Variants in METAP1 observed in about 807,000 individuals in gnomAD.
METAP1 encodes methionyl aminopeptidase 1, also known as methionine aminopeptidase 1.
Under a neutral mutation model 53.8 loss-of-function variants are expected in METAP1, and 28 were observed. The ratio of observed to expected loss-of-function variants is 0.52; its 90% CI spans 0.39 to 0.71. The LOEUF is 0.71. Among genes scored for constraint, METAP1 ranks in the 30% least tolerant of loss-of-function variants. The pLI, the probability that METAP1 is intolerant of heterozygous loss-of-function variation, is 0.00. For missense variants in METAP1, 389 were observed against 479.8 expected, an observed-to-expected ratio of 0.81 and a Z score of 1.77; for synonymous variants, 181 against 165.7, an observed-to-expected ratio of 1.09 and a Z score of -0.71.
intron 9 of METAP1, among the ~76,000 whole-genome samples, chr4:99,055,536 C>G (rs1375316040): frequency 6.6e-6 from 1 of 152,104 alleles, no homozygotes; most frequent in Non-Finnish European, 1.5e-5. Flanking sequence ...TAAAAAGTAC[C>G]TAAGAGTGTC....
At chr4:99,040,956 ACCAATCTT>A (rs1725816570) in intron 5 of METAP1, 79 bp from the exon 6 acceptor site, 1 of 623,742 alleles carries the variant, frequency 1.6e-6, no homozygotes, top group African/African-American at 1.9e-5. Flanking sequence ...ATTCATTTTT[ACCAATCTT>A]CCACAGTCAA....
chr4:99,031,443 A>G (rs952300392), intron 2 of METAP1: 2 of 1,281,768 alleles, frequency 1.6e-6, no homozygotes, highest in African/African-American at 3.0e-5. Context: ...AAAGAACTCT[A>G]AGTAATACTT....
At chr4:99,024,713 C>G (rs1178094053) in intron 1 of METAP1, among the ~76,000 whole-genome samples, 5 of 152,248 alleles carry the variant, frequency 3.3e-5, no homozygotes, top group Non-Finnish European at 5.9e-5. Flanking sequence ...AGCTGCATGA[C>G]TCCTGAAACA....
chr4:99,013,985 G>C (rs1396979074), intron 1 of METAP1, among the ~76,000 whole-genome samples: 2 of 152,044 alleles, frequency 1.3e-5, no homozygotes, highest in Non-Finnish European at 2.9e-5. Flanking sequence ...TTGTTGTTTG[G>C]CTTGATCCCC....
intron 1 of METAP1, among the ~76,000 whole-genome samples, chr4:99,007,439 T>A (rs1156649521): frequency 6.6e-6 from 1 of 152,176 alleles, no homozygotes; most frequent in Non-Finnish European, 1.5e-5. Flanking sequence ...TTGGAGAGTA[T>A]GCATTTTCTC....
Position 99,039,404 on chromosome 4 carries a change from G to T in METAP1, c.371G>T (p.Gly124Val), listed in dbSNP as rs75845854. The change falls in exon 5 of 11, where the codon GGT (glycine) becomes GTT (valine). Residue 124 changes from glycine (G) to valine (V), a missense_variant. By Grantham distance (109) the Gly-to-Val change is moderately radical. Transcript: ENST00000296411. ...GMSESEQALK[G>V]TSQIKLLSSE... Reference sequence around the variant, plus strand: ...TCTGAATCTGAACAGGCTCTTAAAGGTACTTCTCAGATTAAATTACTCTCA... The same window carrying T: ...TCTGAATCTGAACAGGCTCTTAAAGTTACTTCTCAGATTAAATTACTCTCA... 1 of 1,610,896 alleles carries T rather than the reference G, an allele frequency of 6.2e-7. No homozygotes were observed. Among genetic ancestry groups the T allele is most frequent in the African/African-American group, 1.3e-5 (1 of 74,742 alleles).
chr4:99,020,520 G>A (rs1724043013), intron 1 of METAP1, among the ~76,000 whole-genome samples: 1 of 151,872 alleles, frequency 6.6e-6, no homozygotes, highest in African/African-American at 2.4e-5. Context: ...CACCTGAGGA[G>A]GAGGTGGGAC....
At position 99,024,248 on chromosome 4, in the gene METAP1, G is replaced by C. The variant is rs112075771; in HGVS notation, c.115-4619G>C. On this transcript the variant is annotated intron_variant, in intron 1 of 10. Transcript: ENST00000296411. Reference sequence around the variant, plus strand: ...GCTCAATTGATCATGACCCTCTCACGCGGACCCCCTTAGAGTTGTGAGCCT... The same window carrying C: ...GCTCAATTGATCATGACCCTCTCACCCGGACCCCCTTAGAGTTGTGAGCCT... Among the ~76,000 whole-genome samples the C allele has an allele frequency of 2.7e-3, 413 of 152,154 alleles. 4 individuals are homozygous for C. The highest frequency in any genetic ancestry group is 9.4e-3 in the African/African-American group (391 of 41,518).
At chr4:99,060,620 C>T (rs1942906179) in intron 10 of METAP1, among the ~76,000 whole-genome samples, 1 of 152,146 alleles carries the variant, frequency 6.6e-6, no homozygotes, top group Admixed American at 6.5e-5. Flanking sequence ...GCCTCGGCCT[C>T]CCAAAGTGCT....
intron 9 of METAP1, among the ~76,000 whole-genome samples, chr4:99,051,192 T>C (rs1410494197): frequency 6.6e-6 from 1 of 152,082 alleles, no homozygotes; most frequent in Non-Finnish European, 1.5e-5. Context: ...AGTTTAGATA[T>C]GGATTTGAGT....
At chr4:99,049,866 G>A (rs1310677263) in intron 9 of METAP1, among the ~76,000 whole-genome samples, 1 of 152,150 alleles carries the variant, frequency 6.6e-6, no homozygotes, top group East Asian at 1.9e-4. Context: ...TAATGTTAAT[G>A]TTTACAATGA....
chr4:99,026,688 A>G (rs1205130699), intron 1 of METAP1: 8 of 985,362 alleles, frequency 8.1e-6, no homozygotes, highest in Non-Finnish European at 9.6e-6. Context: ...TTCCTCTTCT[A>G]CTGGGGAATA....
intron 1 of METAP1, among the ~76,000 whole-genome samples, chr4:99,013,144 T>G (rs770519669): frequency 7.2e-5 from 11 of 152,218 alleles, no homozygotes; most frequent in Non-Finnish European, 1.3e-4. Flanking sequence ...TTCCACATAT[T>G]TGTGGATTTT....
rs374937638 is a variant in METAP1 at position 99,045,252 on chromosome 4, T to A, written c.729T>A (p.Asp243Glu). 3 of 1,613,782 alleles carry A rather than the reference T, an allele frequency of 1.9e-6. No homozygotes were observed. The African/African-American group carries it at 4.0e-5, about 22-fold the overall frequency. The change falls in exon 8 of 11, where the codon GAT becomes GAA. Residue 243 changes from aspartate (D) to glutamate (E), a missense_variant. Asp to Glu is a conservative substitution (Grantham distance 45). Transcript: ENST00000296411. ...NETFFVGEVD[D>E]GARKLVQTTY... ...CATTTTTTGTTGGAGAAGTGGATGA[T>A]GGAGCACGGAAACTTGTTCAGACCA...
intron 5 of METAP1, 107 bp downstream of exon 5, chr4:99,039,572 C>A (rs1381596443): frequency 3.2e-6 from 2 of 618,986 alleles, no homozygotes; most frequent in East Asian, 2.9e-5. Flanking sequence ...TATTGTTAGA[C>A]TGACCAGCCA....
chr4:99,044,946 A>T (rs1277316098), intron 7 of METAP1, among the ~76,000 whole-genome samples: 3 of 152,250 alleles, frequency 2.0e-5, no homozygotes, highest in Admixed American at 2.0e-4. Flanking sequence ...ATAAGAGTAT[A>T]AAAACCCACT....
chr4:99,014,866 A>T (rs867265886), intron 1 of METAP1, among the ~76,000 whole-genome samples: 81 of 152,256 alleles, frequency 5.3e-4, no homozygotes, highest in Non-Finnish European at 1.1e-3. Context: ...CATCCTGTGA[A>T]ATTTCCAAGG....
At chr4:99,054,276 A>G (rs1255218459) in intron 9 of METAP1, among the ~76,000 whole-genome samples, 1 of 152,202 alleles carries the variant, frequency 6.6e-6, no homozygotes, top group African/African-American at 2.4e-5. Flanking sequence ...TTTCTACATC[A>G]GCACTTGCCG....
intron 1 of METAP1, chr4:99,022,998 T>C: frequency 6.8e-7 from 1 of 1,468,046 alleles, no homozygotes; most frequent in Non-Finnish European, 9.2e-7. Context: ...ACACAATACC[T>C]GGCACTACCC....
Sources: allele counts gnomAD v4.1 joint callset (sites outside exome capture counted in the v4.1 genomes callset), GRCh38; gene constraint gnomAD v4.1.1; transcripts MANE v1.5; gene names NCBI Gene and HGNC (gene_info 2026-07-23, HGNC 2026-07-21).